GPAM: variants seen among roughly 807,000 people sequenced by gnomAD.
GPAM encodes the protein glycerol-3-phosphate acyltransferase, mitochondrial.
In GPAM, 56 loss-of-function variants were observed where a neutral mutation model predicts 105.0. That is an observed-to-expected ratio of 0.53 (90% CI 0.43 to 0.67). The LOEUF (loss-of-function observed/expected upper bound fraction) is 0.67. Among genes scored for constraint, GPAM ranks in the 30% least tolerant of loss-of-function variants. The probability of loss-of-function intolerance (pLI) is 0.00; values close to 1 mark genes in which losing one functional copy is unlikely to be tolerated. For synonymous variants in GPAM, 368 were observed against 354.4 expected (o/e 1.04, Z -0.43); for missense variants, 855 against 989.8 (o/e 0.86, Z 1.83).
chr10:112,180,492 G>T lies in GPAM; in HGVS notation c.206C>A (p.Ser69Tyr). The change falls in exon 4 of 22, where the codon TCC becomes TAC. Residue 69 changes from serine (S) to tyrosine (Y), a missense_variant. Physicochemically the swap from Ser to Tyr is moderately radical, Grantham distance 144 (BLOSUM62 -2). Coordinates refer to ENST00000348367, the MANE Select transcript of GPAM (RefSeq NM_001244949.2). ...KRPFVGRCCY[S>Y]CTPQSWDKFF... ...TCTTACCCAGCTCTGGGGAGTGCAG[G>T]AGTAACAACATCTTCCAACAAATGG... 2 of 1,613,624 alleles carry T rather than the reference G, an allele frequency of 1.2e-6. No homozygotes were observed. Among genetic ancestry groups the T allele is most frequent in the Non-Finnish European group, 1.7e-6 (2 of 1,179,588 alleles).
rs778842660 is a variant in GPAM, at chr10:112,164,507, C to T, written c.1307+18G>A. ...GTTTGGTAGCTTGATTAGCATTAAA[C>T]AATTCTACAAATTTTACCTTGAAGG... On this transcript the variant is annotated intron_variant, in intron 13 of 21. Coordinates refer to ENST00000348367, the MANE Select transcript of GPAM (RefSeq NM_001244949.2). 1 of 1,312,584 alleles carries T rather than the reference C, an allele frequency of 7.6e-7. No homozygotes were observed. The highest frequency in any genetic ancestry group is 1.1e-6 in the Non-Finnish European group (1 of 904,884). The allele number at this position is 1,312,584 out of a possible 1,614,324, so 81.3% of individuals were successfully genotyped here.
At chr10:112,173,664 T>C in intron 7 of GPAM, 35 bp downstream of exon 7, 1 of 1,603,962 alleles carries the variant, frequency 6.2e-7, no homozygotes, top group East Asian at 2.2e-5. Flanking sequence ...TCAGCATGGC[T>C]GTGATTGAAA....
chr10:112,197,529 C>T (rs184665823), intron 1 of GPAM, among the ~76,000 whole-genome samples: 38 of 146,224 alleles, frequency 2.6e-4, no homozygotes, highest in African/African-American at 9.2e-4. Context: ...GGTACATGTG[C>T]ACATTGTGCA....
chr10:112,178,731 G>A (rs1490947655), intron 4 of GPAM, among the ~76,000 whole-genome samples: 1 of 152,126 alleles, frequency 6.6e-6, no homozygotes, highest in African/African-American at 2.4e-5. Context: ...TGCAGTTATT[G>A]TTGCTTACTA....
rs536753266 is a variant in GPAM, at chr10:112,151,529, C to T, written c.*2021G>A. 8.1e-6 allele frequency: 8 copies of T among 985,694 alleles called. No individual in the cohort carries two copies. In the African/African-American group the frequency reaches 1.0e-4, roughly 13 times the overall value. 61.1% of individuals were successfully genotyped at this position (985,694 alleles called of 1,614,324 possible). On this transcript the variant is annotated 3_prime_UTR_variant, in exon 22 of 22. Coordinates refer to ENST00000348367, the MANE Select transcript of GPAM (RefSeq NM_001244949.2). ...GTGGTGAGAGAGCTAGCAAATCATA[C>T]ATTGCATTCCCCAAAGCATCTGAAC...
In GPAM at chr10:112,198,177, G is replaced by C. The variant is rs148673617; in HGVS notation, n.211-15286C>G. Among the ~76,000 whole-genome samples, 1,143 of 152,226 alleles carry C rather than the reference G, an allele frequency of 7.5e-3. 38 individuals are homozygous for C. The highest frequency in any genetic ancestry group is 0.057 in the Admixed American group (876 of 15,294). Reference sequence around the variant, plus strand: ...CTGAGACAACACCTGGCACAGAGTGGGTACTAGGTAATGTTTGCAGTTCCT... The same window carrying C: ...CTGAGACAACACCTGGCACAGAGTGCGTACTAGGTAATGTTTGCAGTTCCT... On this transcript the variant is annotated intron_variant and non_coding_transcript_variant, in intron 1 of 3. Coordinates refer to the GPAM transcript ENST00000480130.
intron 19 of GPAM, 120 bp downstream of exon 19, chr10:112,157,129 C>T: frequency 1.1e-6 from 1 of 891,496 alleles, no homozygotes; most frequent in Non-Finnish European, 1.9e-6. Flanking sequence ...ACAGAAGGTA[C>T]CAGAGCTAGT....
chr10:112,161,806 C>A lies in GPAM; in HGVS notation c.1424-69G>T, dbSNP rs1847129857. 6.0e-6 allele frequency: 7 copies of A among 1,159,432 alleles called. No homozygotes were observed. The South Asian group carries it at 6.2e-5, about 10-fold the overall frequency. The allele number at this position is 1,159,432 out of a possible 1,614,324, so 71.8% of individuals were successfully genotyped here. On this transcript the variant is annotated intron_variant, in intron 14 of 21. Transcript: ENST00000348367. ...AACATAGCTGAACTTTTTTGAAATACCTAAATTTTAAACAGGAGTATTTAA... is the reference window on the plus strand; with the variant it reads ...AACATAGCTGAACTTTTTTGAAATAACTAAATTTTAAACAGGAGTATTTAA...
At position 112,200,244 on chromosome 10, in the gene GPAM, T is replaced by TAGAG. The variant is rs59715102; in HGVS notation, n.210+14920_210+14923dup. Among the ~76,000 whole-genome samples, 541 of 123,542 alleles carry TAGAG rather than the reference T, an allele frequency of 4.4e-3. 1 individual carries two copies. Among genetic ancestry groups the TAGAG allele is most frequent in the African/African-American group, 4.9e-3 (160 of 32,362 alleles). The allele number at this position is 123,542 out of a possible 152,430, so 81.0% of individuals were successfully genotyped here. A position where few individuals can be genotyped will look rare whatever the true frequency, so the allele number is the denominator to read the frequency against. On this transcript the variant is annotated intron_variant and non_coding_transcript_variant, in intron 1 of 3. Transcript: ENST00000480130. ...CACTATATGTATATATATATATATA[T>TAGAG]AGAGAGAGAGAGAGAGAGAGAGAGA...
Position 112,150,077 on chromosome 10 carries a change from A to T in GPAM, c.*3473T>A. On this transcript the variant is annotated 3_prime_UTR_variant, in exon 22 of 22. Transcript: ENST00000348367. ...TTAATACCTTCCATCAAGACATTTC[A>T]GAGCTCTAGACGTTTAGAAATAAGG... is the stretch of plus-strand genomic sequence containing the variant. 1.0e-6 allele frequency: 1 copy of T among 984,738 alleles called. No individual in the cohort carries two copies. The highest frequency in any genetic ancestry group is 1.2e-6 in the Non-Finnish European group (1 of 829,240). 61.0% of individuals were successfully genotyped at this position (984,738 alleles called of 1,614,324 possible). A position where few individuals can be genotyped will look rare whatever the true frequency, so the allele number is the denominator to read the frequency against.
chr10:112,161,544 T>A, intron 15 of GPAM, 123 bp downstream of exon 15: 1 of 749,650 alleles, frequency 1.3e-6, no homozygotes, highest in Admixed American at 2.0e-5. Flanking sequence ...CTCAGCTTAT[T>A]TTACTGTTTA....
At position 112,181,855 on chromosome 10, in the gene GPAM, A is replaced by G. The variant is rs1847514869; in HGVS notation, c.-29-42T>C. On this transcript the variant is annotated intron_variant, in intron 2 of 21. Transcript: ENST00000348367. The stretch of plus-strand genomic sequence containing the variant: ...CCATTTAAATTAACAAGGAATCGAG[A>G]GAGTAAATACTAGAACTCAAAATTC... 9.1e-6 allele frequency: 8 copies of G among 879,486 alleles called. No homozygotes were observed. The East Asian group carries it at 1.5e-4, about 16-fold the overall frequency. 54.5% of individuals were successfully genotyped at this position (879,486 alleles called of 1,614,324 possible).
rs776824657 is a variant in GPAM, at chr10:112,164,551, C to T, written c.1281G>A (p.Ala427=). 3.4e-5 allele frequency: 55 copies of T among 1,601,956 alleles called. No individual in the cohort carries two copies. Among genetic ancestry groups the T allele is most frequent in the Middle Eastern group, 3.3e-4 (2 of 6,058 alleles). ...TTGAAGGAAGTATAGCTGGTAACAACGCTTGCTCCAGGGAAAGTAGAGCAG... is the reference window on the plus strand; with the variant it reads ...TTGAAGGAAGTATAGCTGGTAACAATGCTTGCTCCAGGGAAAGTAGAGCAG... ...PVSALLSLEQ[A]LLPAILPSRP... The change falls in exon 13 of 22, where the codon GCG becomes GCA. Residue 427 remains alanine, a synonymous_variant. Transcript: ENST00000348367.
chr10:112,209,649 T>C (rs1847889602), intron 1 of GPAM, among the ~76,000 whole-genome samples: 1 of 152,080 alleles, frequency 6.6e-6, no homozygotes, highest in Non-Finnish European at 1.5e-5. Context: ...CTAGCAGAGC[T>C]CTCAGTACCA....
the GPAM span, among the ~76,000 whole-genome samples, chr10:112,223,379 T>A: frequency 6.6e-6 from 1 of 152,156 alleles, no homozygotes; most frequent in Non-Finnish European, 1.5e-5. Flanking sequence ...ATGAAAAAAA[T>A]TCTATCGATC....
At chr10:112,217,112 T>A (rs541115679), upstream of GPAM, among the ~76,000 whole-genome samples, 1 of 152,214 alleles carries the variant, frequency 6.6e-6, no homozygotes, top group South Asian at 2.1e-4. Flanking sequence ...TTTTAGAACA[T>A]TCCATCACCC....
At chr10:112,177,244 A>G (rs1028500320) in intron 5 of GPAM, among the ~76,000 whole-genome samples, 1 of 152,222 alleles carries the variant, frequency 6.6e-6, no homozygotes, top group African/African-American at 2.4e-5. Context: ...ATGAGAAGTA[A>G]TATCATAAGG....
chr10:112,195,049 CCCA>C (rs930302001), intron 1 of GPAM, among the ~76,000 whole-genome samples: 12 of 152,042 alleles, frequency 7.9e-5, no homozygotes, highest in African/African-American at 2.9e-4. Context: ...GCCTGGATGC[CCCA>C]CATCTACTTC....
chr10:112,208,792 G>C (rs114293911), intron 1 of GPAM, among the ~76,000 whole-genome samples: 2,406 of 152,232 alleles, frequency 0.016, 64 homozygotes, highest in African/African-American at 0.055. Context: ...CCCATCATTT[G>C]ATAAAAGAAG....
Sources: allele counts gnomAD v4.1 joint callset (sites outside exome capture counted in the v4.1 genomes callset), GRCh38; gene constraint gnomAD v4.1.1; transcripts MANE v1.5; gene names NCBI Gene and HGNC (gene_info 2026-07-23, HGNC 2026-07-21).